Variants in KCNK10 observed in about 807,000 individuals in gnomAD.
KCNK10 encodes the protein potassium two pore domain channel subfamily K member 10.
A neutral mutation model predicts 47.7 loss-of-function variants in KCNK10; 25 were observed. That is an observed-to-expected ratio of 0.52 (90% confidence interval 0.38 to 0.73). KCNK10 has a LOEUF of 0.73. Ranked by LOEUF, KCNK10 falls within the 30% of genes least tolerant of loss-of-function variation. KCNK10 has a pLI of 0.00. For synonymous variants in KCNK10, 303 were observed against 285.6 expected (o/e 1.06, Z -0.61); for missense variants, 563 against 714.5 (o/e 0.79, Z 2.42).
chr14:88,264,701 A>G (rs1449122486), intron 1 of KCNK10, among the ~76,000 whole-genome samples: 1 of 152,184 alleles, frequency 6.6e-6, no homozygotes, highest in Non-Finnish European at 1.5e-5. Flanking sequence ...TCAGTCTTTT[A>G]TGGCATATTA....
At chr14:88,287,855 T>C (rs996888841) in intron 1 of KCNK10, among the ~76,000 whole-genome samples, 1 of 152,188 alleles carries the variant, frequency 6.6e-6, no homozygotes, top group Non-Finnish European at 1.5e-5. Flanking sequence ...TCTTTTCCTC[T>C]AGGTATGCAC....
intron 1 of KCNK10, among the ~76,000 whole-genome samples, chr14:88,310,879 G>C (rs114094478): frequency 6.6e-6 from 1 of 152,160 alleles, no homozygotes; most frequent in Non-Finnish European, 1.5e-5. Flanking sequence ...CTTCCAAAAG[G>C]CGTCTGAAGT....
intron 4 of KCNK10, among the ~76,000 whole-genome samples, chr14:88,226,880 G>GGA (rs917016303): frequency 5.6e-4 from 85 of 152,212 alleles, no homozygotes; most frequent in African/African-American, 2.0e-3. Flanking sequence ...GTGAGAGATG[G>GGA]GAGAGAGAGA....
chr14:88,182,777 G>C lies in KCNK10; in HGVS notation c.*2758C>G, dbSNP rs892451774. The C allele has an allele frequency of 2.6e-5, 4 of 152,398 alleles. No homozygotes were observed. Among genetic ancestry groups the C allele is most frequent in the Admixed American group, 2.6e-4 (4 of 15,290 alleles). The allele number at this position is 152,398 out of a possible 1,614,324, so 9.4% of individuals were successfully genotyped here. On this transcript the variant is annotated 3_prime_UTR_variant, in exon 7 of 7. Coordinates refer to ENST00000319231, the MANE Select transcript of KCNK10 (RefSeq NM_138317.3). ...GCACCTGTTCCATTTGGTAGAGTATGCAGCTTAGTGCTTTGAACTATTTTA... is the reference window on the plus strand; with the variant it reads ...GCACCTGTTCCATTTGGTAGAGTATCCAGCTTAGTGCTTTGAACTATTTTA...
At chr14:88,212,328 G>A (rs868726662) in intron 4 of KCNK10, among the ~76,000 whole-genome samples, 1 of 151,548 alleles carries the variant, frequency 6.6e-6, no homozygotes, top group African/African-American at 2.4e-5. Context: ...TAGTCCCAGC[G>A]ATACAGGAGG....
intron 4 of KCNK10, among the ~76,000 whole-genome samples, chr14:88,192,914 T>C (rs138181944): frequency 6.6e-6 from 1 of 152,200 alleles, no homozygotes; most frequent in African/African-American, 2.4e-5. Context: ...CAGGCCAAAA[T>C]GTTTGGATGA....
At chr14:88,326,190 C>A (rs372290923), upstream of KCNK10, among the ~76,000 whole-genome samples, 89 of 134,284 alleles carry the variant, frequency 6.6e-4, 1 homozygote, top group East Asian at 3.9e-3. Context: ...CGCCCCCCCC[C>A]AAAAAAAAAT....
chr14:88,253,994 G>A (rs540110348), intron 2 of KCNK10, among the ~76,000 whole-genome samples: 61 of 152,318 alleles, frequency 4.0e-4, no homozygotes, highest in African/African-American at 1.4e-3. Flanking sequence ...CAGTCAGGGT[G>A]AGGGGGAGAG....
chr14:88,229,859 T>C (rs1408306104), intron 3 of KCNK10, among the ~76,000 whole-genome samples: 1 of 152,192 alleles, frequency 6.6e-6, no homozygotes. Flanking sequence ...GGGATCTAGT[T>C]ACACCCCGCC....
At chr14:88,230,612 G>A (rs539204138) in intron 3 of KCNK10, among the ~76,000 whole-genome samples, 13 of 152,256 alleles carry the variant, frequency 8.5e-5, no homozygotes, top group African/African-American at 2.2e-4. Context: ...GTCTGTCTGC[G>A]CAGGCAGGGC....
In KCNK10 at chr14:88,240,746, G is replaced by A. The variant is rs777101903; in HGVS notation, c.477C>T (p.Leu159=). The A allele has an allele frequency of 5.0e-6, 8 of 1,613,732 alleles. No homozygotes were observed. The highest frequency in any genetic ancestry group is 4.0e-5 in the African/African-American group (3 of 74,894). ...NSSNNSSHWD[L]GSAFFFAGTV... is the part of the protein sequence containing the mutation. The stretch of plus-strand genomic sequence containing the variant: ...TTCCAGCAAAGAAAAAGGCACTGCC[G>A]AGGTCCCAGTGGCTGCTGTTGTTGG... Residue 159 remains leucine (L), a synonymous_variant, in exon 3 of 7, where the codon CTC becomes CTT. Coordinates refer to ENST00000319231, the MANE Select transcript of KCNK10 (RefSeq NM_138317.3).
rs570663912 is a variant in KCNK10 at position 88,185,482 on chromosome 14, A to C, written c.*53T>G. 920 of 1,421,706 alleles carry C rather than the reference A, an allele frequency of 6.5e-4. 2 individuals carry two copies. The highest frequency in any genetic ancestry group is 3.6e-3 in the Middle Eastern group (19 of 5,278). The allele number at this position is 1,421,706 out of a possible 1,614,324, so 88.1% of individuals were successfully genotyped here. On this transcript the variant is annotated 3_prime_UTR_variant, in exon 7 of 7. Transcript: ENST00000319231. The surrounding 1 kb of genome is among the most constrained non-coding windows in gnomAD (Gnocchi z 4.3). ...CACATGTCTCAGTGTGAATATTAAA[A>C]ACACACACACACACACACACAACGC... is the stretch of plus-strand genomic sequence containing the variant.
intron 4 of KCNK10, among the ~76,000 whole-genome samples, chr14:88,204,894 C>G (rs1885218139): frequency 6.6e-6 from 1 of 152,176 alleles, no homozygotes. Flanking sequence ...CTGACAATAT[C>G]ATCCAGAATC....
rs546870675 is a variant in KCNK10, at chr14:88,217,695, T to C, written c.681+9680A>G. On this transcript the variant is annotated intron_variant, in intron 4 of 6. Coordinates refer to ENST00000319231, the MANE Select transcript of KCNK10 (RefSeq NM_138317.3). ...TCAGCCTCCTGAGTGTCTAGGACTA[T>C]AGGCACTTACCACCTCACCCAAGTA... 2.6e-5 allele frequency among the ~76,000 whole-genome samples: 4 copies of C among 151,820 alleles called. No homozygotes were observed. In the South Asian group the frequency reaches 6.2e-4, roughly 24 times the overall value.
intron 4 of KCNK10, among the ~76,000 whole-genome samples, chr14:88,194,068 G>A (rs530706859): frequency 7.9e-4 from 120 of 152,118 alleles, no homozygotes; most frequent in Non-Finnish European, 1.4e-3. Context: ...ATGGGAACAG[G>A]GAAAAATAAT....
chr14:88,262,286 A>G (rs551633158), intron 2 of KCNK10, among the ~76,000 whole-genome samples: 167 of 152,318 alleles, frequency 1.1e-3, no homozygotes, highest in Non-Finnish European at 1.9e-3. Flanking sequence ...TGTCTGGGAT[A>G]GAAAGTGGAA....
chr14:88,309,492 C>T (rs1441790570), intron 1 of KCNK10, among the ~76,000 whole-genome samples: 1 of 152,140 alleles, frequency 6.6e-6, no homozygotes, highest in Non-Finnish European at 1.5e-5. Flanking sequence ...GTCCCAGCTA[C>T]TCAGGAGGCT....
intron 2 of KCNK10, among the ~76,000 whole-genome samples, chr14:88,258,240 A>C (rs1203596275): frequency 6.6e-6 from 1 of 151,636 alleles, no homozygotes; most frequent in Non-Finnish European, 1.5e-5. Context: ...CCCTGAGGCC[A>C]CATTCTATTG....
At chr14:88,196,419 C>T (rs1179378907) in intron 4 of KCNK10, among the ~76,000 whole-genome samples, 1 of 152,172 alleles carries the variant, frequency 6.6e-6, no homozygotes, top group Admixed American at 6.5e-5. Flanking sequence ...TCTCATTAAG[C>T]ATAATTCTCT....
Sources: allele counts gnomAD v4.1 joint callset (sites outside exome capture counted in the v4.1 genomes callset), GRCh38; gene constraint gnomAD v4.1.1; non-coding constraint Gnocchi (gnomAD v3.1); transcripts MANE v1.5; gene names NCBI Gene and HGNC (gene_info 2026-07-23, HGNC 2026-07-21).